UBE3D: variants seen among roughly 807,000 people sequenced by gnomAD.
UBE3D encodes ubiquitin protein ligase E3D, also known as E3 ubiquitin-protein ligase E3D.
A neutral mutation model predicts 49.6 loss-of-function variants in UBE3D; 48 were observed. The observed-to-expected ratio is 0.97, with a 90% CI of 0.77 to 1.23. The LOEUF is 1.23. UBE3D is among the 50% of genes most tolerant of loss of function. The pLI, the probability that UBE3D is intolerant of heterozygous loss-of-function variation, is 0.00. For synonymous variants in UBE3D, 189 were observed against 174.2 expected, an observed-to-expected ratio of 1.08 and a Z score of -0.67; for missense variants, 452 against 468.4, an observed-to-expected ratio of 0.96 and a Z score of 0.32.
intron 8 of UBE3D, among the ~76,000 whole-genome samples, chr6:83,009,967 G>C (rs1780231106): frequency 6.6e-6 from 1 of 151,530 alleles, no homozygotes; most frequent in South Asian, 2.1e-4. Flanking sequence ...CATGAGAGTA[G>C]ACAAATGGAG....
At chr6:83,019,577 T>C (rs1005483957) in intron 7 of UBE3D, among the ~76,000 whole-genome samples, 5 of 152,140 alleles carry the variant, frequency 3.3e-5, no homozygotes, top group Non-Finnish European at 7.4e-5. Context: ...ACTGATAACA[T>C]CTAGTTCAGA....
intron 4 of UBE3D, among the ~76,000 whole-genome samples, chr6:83,041,501 C>G (rs549075847): frequency 1.3e-5 from 2 of 152,044 alleles, no homozygotes; most frequent in Non-Finnish European, 1.5e-5. Context: ...GGTGTGATAA[C>G]GGTGTGGCTA....
At chr6:82,959,618 C>A (rs1226329174) in intron 8 of UBE3D, among the ~76,000 whole-genome samples, 1 of 150,342 alleles carries the variant, frequency 6.7e-6, no homozygotes, top group African/African-American at 2.5e-5. Flanking sequence ...CAACCACATT[C>A]CACTTTGGAA....
chr6:82,957,803 G>A (rs1008055066), intron 8 of UBE3D, among the ~76,000 whole-genome samples: 44 of 152,070 alleles, frequency 2.9e-4, no homozygotes, highest in Admixed American at 2.5e-3. Context: ...ATGTAATCTC[G>A]TTTACCCCTC....
At chr6:82,937,932 G>C (rs922097643) in intron 9 of UBE3D, among the ~76,000 whole-genome samples, 1 of 152,180 alleles carries the variant, frequency 6.6e-6, no homozygotes, top group Non-Finnish European at 1.5e-5. Flanking sequence ...CCTGGCAGCT[G>C]TTAGGGAGGT....
chr6:82,994,205 C>T (rs898850359), intron 8 of UBE3D, among the ~76,000 whole-genome samples: 3 of 152,080 alleles, frequency 2.0e-5, no homozygotes, highest in African/African-American at 7.2e-5. Flanking sequence ...TAGTGAAGAC[C>T]TTACCCATGC....
intron 9 of UBE3D, among the ~76,000 whole-genome samples, chr6:82,913,281 A>G (rs1005707174): frequency 9.2e-5 from 14 of 152,244 alleles, no homozygotes; most frequent in African/African-American, 2.7e-4. Context: ...TTGACGTCCA[A>G]TAAATTATAA....
At chr6:83,054,056 T>C (rs891195583) in intron 3 of UBE3D, 92 bp downstream of exon 3, 186 of 1,069,198 alleles carry the variant, frequency 1.7e-4, no homozygotes, top group Non-Finnish European at 2.4e-4. Context: ...GGCCATATAC[T>C]ACTCCATTGG....
chr6:82,924,817 TA>T (rs1223714194), intron 9 of UBE3D: 1 of 152,170 alleles, frequency 6.6e-6, no homozygotes, highest in African/African-American at 2.4e-5. Flanking sequence ...TAGTAAACAT[TA>T]TCCTTCCTTT....
At chr6:82,954,942 C>T (rs900193880) in intron 9 of UBE3D, among the ~76,000 whole-genome samples, 2 of 152,176 alleles carry the variant, frequency 1.3e-5, no homozygotes, top group African/African-American at 4.8e-5. Context: ...TGTCAAGTTT[C>T]TCTGTATCTG....
intron 8 of UBE3D, among the ~76,000 whole-genome samples, chr6:82,961,758 T>C (rs12194942): frequency 0.16 from 24,161 of 151,988 alleles, 1,963 homozygotes; most frequent in South Asian, 0.17. Flanking sequence ...GGTCGGGAGT[T>C]CGAGACCAGC....
At chr6:82,962,701 C>T (rs1251885699) in intron 8 of UBE3D, among the ~76,000 whole-genome samples, 1 of 152,166 alleles carries the variant, frequency 6.6e-6, no homozygotes. Context: ...ATCTTGATCA[C>T]AGGGCCAATA....
Position 82,953,857 on chromosome 6 carries a change from G to C in UBE3D, c.1149+3455C>G, listed in dbSNP as rs554390271. On this transcript the variant is annotated intron_variant, in intron 9 of 9. Coordinates refer to ENST00000369747, the MANE Select transcript of UBE3D (RefSeq NM_198920.3). ...TACAGAGTAATGGTGATGTGAAGAA[G>C]GGGGGTCAGGTTGGGCCTCTCCTCA... Among the ~76,000 whole-genome samples, 14 of 152,346 alleles carry C rather than the reference G, an allele frequency of 9.2e-5. No homozygotes were observed. The South Asian group carries it at 2.9e-3, about 32-fold the overall frequency.
chr6:83,062,810 G>A (rs1207887428), intron 1 of UBE3D, among the ~76,000 whole-genome samples: 1 of 152,136 alleles, frequency 6.6e-6, no homozygotes, highest in Non-Finnish European at 1.5e-5. Context: ...CATGAAGACT[G>A]AGTTATTTTA....
chr6:83,034,640 G>T (rs919964296), intron 5 of UBE3D, among the ~76,000 whole-genome samples: 1 of 152,112 alleles, frequency 6.6e-6, no homozygotes, highest in Non-Finnish European at 1.5e-5. Context: ...AGGTTTAAAA[G>T]TGTGTGGCAA....
intron 9 of UBE3D, among the ~76,000 whole-genome samples, chr6:82,922,328 G>A (rs997794116): frequency 7.9e-5 from 12 of 152,028 alleles, no homozygotes; most frequent in African/African-American, 2.2e-4. Context: ...TTATGAAACC[G>A]GTAATTTCAA....
At chr6:83,031,763 A>G (rs1221831372) in intron 5 of UBE3D, among the ~76,000 whole-genome samples, 1 of 152,178 alleles carries the variant, frequency 6.6e-6, no homozygotes, top group East Asian at 1.9e-4. Context: ...GAGGGAAAAA[A>G]TGGTTTCCTG....
intron 4 of UBE3D, among the ~76,000 whole-genome samples, chr6:83,040,210 CCT>C (rs566799577): frequency 8.0e-4 from 121 of 152,030 alleles, no homozygotes; most frequent in Non-Finnish European, 1.5e-3. Context: ...TGGTGAAACC[CCT>C]GTCTCTACTA....
intron 1 of UBE3D, among the ~76,000 whole-genome samples, chr6:83,059,259 C>T (rs1026832977): frequency 7.9e-5 from 12 of 152,130 alleles, no homozygotes; most frequent in Admixed American, 2.0e-4. Context: ...TATAGTGGCA[C>T]GCACCTGTAG....
Sources: allele counts gnomAD v4.1 joint callset (sites outside exome capture counted in the v4.1 genomes callset), GRCh38; gene constraint gnomAD v4.1.1; transcripts MANE v1.5; gene names NCBI Gene and HGNC (gene_info 2026-07-23, HGNC 2026-07-21).